Variants in DPYD observed in about 807,000 individuals in gnomAD.
DPYD encodes the protein dihydropyrimidine dehydrogenase.
DPYD carries 109 observed loss-of-function variants against 116.2 expected under a neutral mutation model. The observed-to-expected ratio is 0.94, with a 90% CI of 0.80 to 1.10. The LOEUF (loss-of-function observed/expected upper bound fraction) is 1.10. Ranked by LOEUF, DPYD falls within the 50% of genes least tolerant of loss-of-function variation. The probability of loss-of-function intolerance (pLI) is 0.00; values close to 1 mark genes in which losing one functional copy is unlikely to be tolerated. For missense variants in DPYD, 1,302 were observed against 1,254.5 expected, an observed-to-expected ratio of 1.04 and a Z score of -0.57; for synonymous variants, 440 against 432.0, an observed-to-expected ratio of 1.02 and a Z score of -0.23.
chr1:97,835,854 A>C (rs1407152560), intron 2 of DPYD, among the ~76,000 whole-genome samples: 3 of 152,090 alleles, frequency 2.0e-5, no homozygotes, highest in Admixed American at 2.0e-4. Context: ...TAATCTTGAC[A>C]AGAGGGAAGG....
rs368682983 is a variant in DPYD, at chr1:97,587,786, T to C, written c.1128+5432A>G. 2.6e-4 allele frequency among the ~76,000 whole-genome samples: 37 copies of C among 139,638 alleles called. 1 individual carries two copies. The South Asian group carries it at 6.0e-3, about 23-fold the overall frequency. The allele number at this position is 139,638 out of a possible 152,430, so 91.6% of individuals were successfully genotyped here. On this transcript the variant is annotated intron_variant, in intron 10 of 22. Coordinates refer to ENST00000370192, the MANE Select transcript of DPYD (RefSeq NM_000110.4). The stretch of plus-strand genomic sequence containing the variant: ...CTGCAGTGAGTCGAGATCGCGCCAC[T>C]GCACTCCAGCCTAGGTGACAGAGCA...
In DPYD at chr1:97,679,224, A is replaced by T. The variant is rs769020877; in HGVS notation, c.763-42T>A. On this transcript the variant is annotated intron_variant, in intron 7 of 22. Transcript: ENST00000370192. The stretch of plus-strand genomic sequence containing the variant: ...TTTGCATAAGAAAATTTGGCATATG[A>T]TTAATTAAAATCTTAATATTTAACA... The T allele has an allele frequency of 7.5e-6, 8 of 1,060,056 alleles. No individual in the cohort carries two copies. In the African/African-American group the frequency reaches 9.5e-5, roughly 13 times the overall value. 65.7% of individuals were successfully genotyped at this position (1,060,056 alleles called of 1,614,324 possible).
intron 13 of DPYD, among the ~76,000 whole-genome samples, chr1:97,491,009 C>G (rs1678943434): frequency 6.7e-6 from 1 of 149,956 alleles, no homozygotes; most frequent in South Asian, 2.1e-4. Context: ...GCATATACTT[C>G]TAAGATTAAA....
In DPYD at chr1:97,501,967, C is replaced by T. The variant is rs1322795133; in HGVS notation, c.1740+13759G>A. ...TGTATATGTCATATAATACCCACTGCTCTTTGTAATGCAATTTCTGACCTA... is the reference window on the plus strand; with the variant it reads ...TGTATATGTCATATAATACCCACTGTTCTTTGTAATGCAATTTCTGACCTA... On this transcript the variant is annotated intron_variant, in intron 13 of 22. Coordinates refer to ENST00000370192, the MANE Select transcript of DPYD (RefSeq NM_000110.4). 2.6e-5 allele frequency among the ~76,000 whole-genome samples: 4 copies of T among 151,976 alleles called. No homozygotes were observed. In the East Asian group the frequency reaches 7.8e-4, roughly 29 times the overall value.
At chr1:97,416,243 C>G in intron 14 of DPYD, among the ~76,000 whole-genome samples, 1 of 152,138 alleles carries the variant, frequency 6.6e-6, no homozygotes, top group Non-Finnish European at 1.5e-5. Flanking sequence ...CTGTGTCATT[C>G]CATTTGCCAA....
intron 20 of DPYD, among the ~76,000 whole-genome samples, chr1:97,143,086 T>C (rs1365128308): frequency 6.6e-6 from 1 of 152,004 alleles, no homozygotes; most frequent in Non-Finnish European, 1.5e-5. Flanking sequence ...TTTTTTTAAA[T>C]AACAAAAACA....
At chr1:97,167,245 T>C (rs185621002) in intron 20 of DPYD, among the ~76,000 whole-genome samples, 4 of 152,290 alleles carry the variant, frequency 2.6e-5, no homozygotes, top group East Asian at 3.9e-4. Context: ...TATACTTCCA[T>C]GGAATAGCTA....
rs114569782 is a variant in DPYD, at chr1:97,919,679, G to A, written c.39+1205C>T. The stretch of plus-strand genomic sequence containing the variant: ...GAAAAAGACAAGTATCTATTATCCT[G>A]CACACAGATGAACAACTATTTGTTA... On this transcript the variant is annotated intron_variant, in intron 1 of 22. Transcript: ENST00000370192. Among the ~76,000 whole-genome samples, 937 of 152,216 alleles carry A rather than the reference G, an allele frequency of 6.2e-3. 8 individuals carry two copies. Among genetic ancestry groups the A allele is most frequent in the African/African-American group, 0.021 (886 of 41,538 alleles).
chr1:97,786,824 A>C (rs558426065), intron 3 of DPYD, among the ~76,000 whole-genome samples: 1 of 152,318 alleles, frequency 6.6e-6, no homozygotes, highest in Admixed American at 6.5e-5. Flanking sequence ...GCAAAGGGAA[A>C]GCTTGTTAAA....
At chr1:97,784,857 A>G (rs754020769) in intron 3 of DPYD, among the ~76,000 whole-genome samples, 12 of 152,374 alleles carry the variant, frequency 7.9e-5, no homozygotes, top group Non-Finnish European at 1.6e-4. Flanking sequence ...TAACAAAGGT[A>G]GCCAATACAT....
chr1:97,702,711 C>T (rs1440223329), intron 5 of DPYD, among the ~76,000 whole-genome samples: 1 of 151,744 alleles, frequency 6.6e-6, no homozygotes, highest in African/African-American at 2.4e-5. Flanking sequence ...TTCTGAAACG[C>T]CTAGCATATC....
chr1:97,525,300 G>A (rs1043875434), intron 12 of DPYD, among the ~76,000 whole-genome samples: 2 of 151,862 alleles, frequency 1.3e-5, no homozygotes, highest in Non-Finnish European at 2.9e-5. Flanking sequence ...CTCATCAAAT[G>A]GTATAATGGA....
chr1:97,395,253 G>C (rs761817147), intron 14 of DPYD, among the ~76,000 whole-genome samples: 2 of 151,366 alleles, frequency 1.3e-5, no homozygotes, highest in African/African-American at 2.4e-5. Context: ...AGATGGTAAA[G>C]GTAAGGGGTT....
intron 19 of DPYD, among the ~76,000 whole-genome samples, chr1:97,198,843 AT>A (rs1235780369): frequency 6.6e-6 from 1 of 152,166 alleles, no homozygotes; most frequent in Non-Finnish European, 1.5e-5. Context: ...ATAGTGAGCT[AT>A]TTTAAAGAGA....
At chr1:97,633,541 C>T (rs982132100) in intron 8 of DPYD, among the ~76,000 whole-genome samples, 1 of 152,016 alleles carries the variant, frequency 6.6e-6, no homozygotes, top group East Asian at 1.9e-4. Context: ...TTAGACATCA[C>T]TGTGGGAAGA....
intron 11 of DPYD, among the ~76,000 whole-genome samples, chr1:97,556,484 T>A (rs2102114243): frequency 7.1e-6 from 1 of 141,608 alleles, no homozygotes; most frequent in African/African-American, 2.6e-5. Context: ...TAGGTATATC[T>A]CCCAATGCTA....
intron 16 of DPYD, among the ~76,000 whole-genome samples, chr1:97,312,065 A>C (rs1442943264): frequency 2.0e-5 from 3 of 151,748 alleles, no homozygotes; most frequent in African/African-American, 7.3e-5. Context: ...GTTGTTAAAA[A>C]ATATATATGT....
chr1:97,494,794 A>G (rs957617120), intron 13 of DPYD, among the ~76,000 whole-genome samples: 6 of 151,880 alleles, frequency 4.0e-5, no homozygotes. Flanking sequence ...ACACACACAC[A>G]TAATTTTAAG....
chr1:97,685,634 C>T (rs9748830), intron 7 of DPYD, among the ~76,000 whole-genome samples: 14 of 152,284 alleles, frequency 9.2e-5, no homozygotes, highest in African/African-American at 2.9e-4. Flanking sequence ...GCAACTTCTG[C>T]AAAGTCTCAG....
Sources: gnomAD v4.1 joint callset for allele counts (sites outside exome capture counted in the v4.1 genomes callset) on GRCh38, gnomAD v4.1.1 for gene constraint, MANE v1.5 for transcripts, NCBI Gene and HGNC (gene_info 2026-07-23, HGNC 2026-07-21) for gene names.